The following TIPIN variants were observed in gnomAD, a reference collection of about 807,000 sequenced individuals.
The protein encoded by TIPIN is TIMELESS-interacting protein.
In TIPIN, 29 loss-of-function variants were observed where a neutral mutation model predicts 35.6. That is an observed-to-expected ratio of 0.82 (90% CI 0.61 to 1.11). TIPIN has a LOEUF of 1.11. Ranked by LOEUF, TIPIN falls within the 50% of genes most tolerant of loss-of-function variation. The pLI, the probability that TIPIN is intolerant of heterozygous loss-of-function variation, is 0.00. For missense variants in TIPIN, 296 were observed against 345.4 expected (o/e 0.86, Z 1.13); for synonymous variants, 102 against 121.5 (o/e 0.84, Z 1.06).
intron 1 of TIPIN, among the ~76,000 whole-genome samples, chr15:66,384,363 C>G (rs912926985): frequency 1.3e-5 from 2 of 151,912 alleles, no homozygotes; most frequent in African/African-American, 4.8e-5. Flanking sequence ...GGTGCAATCT[C>G]GGCTCACTGC....
At chr15:66,381,330 C>G (rs1479081456) in intron 1 of TIPIN, among the ~76,000 whole-genome samples, 1 of 151,898 alleles carries the variant, frequency 6.6e-6, no homozygotes, top group East Asian at 1.9e-4. Context: ...ATCAGCTACT[C>G]AGGAGGCTGA....
chr15:66,355,476 G>A (rs2093197625), intron 1 of TIPIN, among the ~76,000 whole-genome samples: 1 of 151,814 alleles, frequency 6.6e-6, no homozygotes, highest in Admixed American at 6.6e-5. Context: ...TCGGCTGGGC[G>A]CGGTGGCTCA....
At chr15:66,340,813 T>C (rs7168934) in intron 7 of TIPIN, among the ~76,000 whole-genome samples, 10,514 of 152,032 alleles carry the variant, frequency 0.069, 1,203 homozygotes, top group African/African-American at 0.24. Flanking sequence ...GCCAGGCTGG[T>C]CTTGAACTCC....
intron 1 of TIPIN, among the ~76,000 whole-genome samples, chr15:66,356,260 C>T (rs1479197408): frequency 6.6e-6 from 1 of 152,132 alleles, no homozygotes; most frequent in African/African-American, 2.4e-5. Flanking sequence ...ACCTCTTCTC[C>T]AGCCGTCCCC....
At chr15:66,338,380 T>C (rs530406098) in intron 7 of TIPIN, among the ~76,000 whole-genome samples, 2 of 152,336 alleles carry the variant, frequency 1.3e-5, no homozygotes, top group Admixed American at 6.5e-5. Context: ...TTTTAAGTTG[T>C]ATATGATAAA....
chr15:66,367,490 G>C (rs12907718), intron 1 of TIPIN, among the ~76,000 whole-genome samples: 8,269 of 151,614 alleles, frequency 0.055, 339 homozygotes, highest in Middle Eastern at 0.11. Flanking sequence ...TGACTCCTGG[G>C]TTCAAGCGTT....
At chr15:66,350,929 A>G (rs373566386) in intron 4 of TIPIN, among the ~76,000 whole-genome samples, 7 of 140,242 alleles carry the variant, frequency 5.0e-5, no homozygotes, top group Admixed American at 2.3e-4. Context: ...AGCAAGCAAG[A>G]CTCCGTCTTA....
intron 1 of TIPIN, among the ~76,000 whole-genome samples, chr15:66,384,684 G>A (rs1340204816): frequency 1.3e-5 from 2 of 152,026 alleles, no homozygotes; most frequent in Non-Finnish European, 2.9e-5. Context: ...AGGCCGAGGT[G>A]GGCGGATCAC....
chr15:66,384,028 G>T (rs2093327548), intron 1 of TIPIN, among the ~76,000 whole-genome samples: 1 of 151,888 alleles, frequency 6.6e-6, no homozygotes, highest in Non-Finnish European at 1.5e-5. Context: ...ACGGAGTCTT[G>T]TTCTGTCGCC....
At chr15:66,356,139 C>A (rs1033712497) in intron 1 of TIPIN, among the ~76,000 whole-genome samples, 1 of 152,134 alleles carries the variant, frequency 6.6e-6, no homozygotes, top group East Asian at 1.9e-4. Flanking sequence ...TTTCCAATGC[C>A]CACCTCTTTT....
intron 1 of TIPIN, among the ~76,000 whole-genome samples, chr15:66,355,491 G>C (rs887444707): frequency 6.6e-6 from 1 of 151,308 alleles, no homozygotes; most frequent in Admixed American, 6.6e-5. Flanking sequence ...GGCTCACGCC[G>C]GTAATCCCAG....
intron 1 of TIPIN, among the ~76,000 whole-genome samples, chr15:66,384,295 C>A (rs1356497838): frequency 1.4e-5 from 2 of 141,274 alleles, no homozygotes; most frequent in African/African-American, 2.7e-5. Context: ...CCGCGCCCGG[C>A]CTATTTTATT....
chr15:66,386,058 C>A (rs1055372697), intron 1 of TIPIN, among the ~76,000 whole-genome samples: 9 of 152,184 alleles, frequency 5.9e-5, no homozygotes, highest in African/African-American at 1.9e-4. Context: ...CGTGAGCCAC[C>A]GCTCCTGGCC....
At chr15:66,341,391 T>TA (rs1244856475) in intron 6 of TIPIN, 35 bp from the exon 7 acceptor site, 1 of 1,557,594 alleles carries the variant, frequency 6.4e-7, no homozygotes, top group African/African-American at 1.4e-5. Context: ...TCTGTGGTGT[T>TA]AGACTAGTTA....
intron 6 of TIPIN, among the ~76,000 whole-genome samples, chr15:66,342,328 T>C (rs2093094707): frequency 6.6e-6 from 1 of 152,200 alleles, no homozygotes; most frequent in African/African-American, 2.4e-5. Flanking sequence ...TTCAATAGTT[T>C]CCCAGTGTCA....
intron 7 of TIPIN, among the ~76,000 whole-genome samples, chr15:66,338,512 T>C (rs903698736): frequency 6.6e-6 from 1 of 152,008 alleles, no homozygotes; most frequent in African/African-American, 2.4e-5. Context: ...AAAACATCCA[T>C]TTATAAAGAA....
chr15:66,379,683 T>C (rs55652624), intron 1 of TIPIN: 491,141 of 1,609,378 alleles, frequency 0.31, 77,426 homozygotes, highest in South Asian at 0.33. Context: ...GATCATGTTC[T>C]GTACATGACT....
intron 6 of TIPIN, among the ~76,000 whole-genome samples, chr15:66,342,201 A>G (rs1390882265): frequency 6.6e-6 from 1 of 151,188 alleles, no homozygotes; most frequent in Non-Finnish European, 1.5e-5. Context: ...AAAAAAAAAA[A>G]AAAAAAAGAA....
At chr15:66,379,915 C>G in intron 1 of TIPIN, 5 of 1,457,582 alleles carry the variant, frequency 3.4e-6, no homozygotes, top group Non-Finnish European at 3.8e-6. Flanking sequence ...ATGGTCTTCA[C>G]TCTCGCAGTA....
Sources: allele counts gnomAD v4.1 joint callset (sites outside exome capture counted in the v4.1 genomes callset), GRCh38; gene constraint gnomAD v4.1.1; transcripts MANE v1.5; gene names NCBI Gene and HGNC (gene_info 2026-07-23, HGNC 2026-07-21).